The following PLSCR2 variants were observed in gnomAD, a reference collection of about 807,000 sequenced individuals.
The protein encoded by PLSCR2 is PL scramblase 2.
A neutral mutation model predicts 25.3 loss-of-function variants in PLSCR2; 18 were observed. The observed-to-expected ratio is 0.71, with a 90% confidence interval of 0.49 to 1.06. The LOEUF is 1.06. PLSCR2 is among the 50% of genes least tolerant of loss of function. PLSCR2 has a pLI of 0.00. For synonymous variants in PLSCR2, 88 were observed against 87.3 expected, an observed-to-expected ratio of 1.01 and a Z score of -0.04; for missense variants, 243 against 269.5, an observed-to-expected ratio of 0.90 and a Z score of 0.69.
chr3:146,421,173 T>C (rs2039137154), intron 2 of PLSCR2, among the ~76,000 whole-genome samples: 1 of 152,000 alleles, frequency 6.6e-6, no homozygotes, highest in Non-Finnish European at 1.5e-5. Context: ...AGAAGAAAGA[T>C]GGGGTTGAAG....
At chr3:146,449,498 T>G in intron 5 of PLSCR2, 131 bp from the exon 6 acceptor site, 1 of 551,832 alleles carries the variant, frequency 1.8e-6, no homozygotes. Flanking sequence ...ACAGTTAATA[T>G]GTTATATTAG....
intron 1 of PLSCR2, among the ~76,000 whole-genome samples, chr3:146,478,217 C>A (rs1207596039): frequency 6.6e-6 from 1 of 152,182 alleles, no homozygotes; most frequent in Non-Finnish European, 1.5e-5. Context: ...AGCAATGGAA[C>A]AAAGCTGGAT....
chr3:146,466,976 T>C (rs542216803), intron 1 of PLSCR2, among the ~76,000 whole-genome samples: 1 of 152,210 alleles, frequency 6.6e-6, no homozygotes, highest in African/African-American at 2.4e-5. Context: ...TTAACTAGGA[T>C]AGGCAAAACT....
At chr3:146,421,996 G>A (rs750793714) in intron 2 of PLSCR2, among the ~76,000 whole-genome samples, 19 of 152,104 alleles carry the variant, frequency 1.2e-4, no homozygotes, top group Non-Finnish European at 2.5e-4. Context: ...AGTCATGAGC[G>A]ATGGCTAACA....
chr3:146,449,429 T>A, intron 5 of PLSCR2, 62 bp from the exon 6 acceptor site: 1 of 1,134,776 alleles, frequency 8.8e-7, no homozygotes, highest in South Asian at 1.4e-5. Context: ...AAATTACTTT[T>A]AACACTGGAG....
chr3:146,462,904 T>A (rs1428938301), upstream of PLSCR2, among the ~76,000 whole-genome samples: 1 of 152,076 alleles, frequency 6.6e-6, no homozygotes, highest in Admixed American at 6.5e-5. Flanking sequence ...CTAAATGAAG[T>A]GTGTGGTTTA....
intron 1 of PLSCR2, among the ~76,000 whole-genome samples, chr3:146,493,221 T>A (rs1434755930): frequency 6.6e-6 from 1 of 151,914 alleles, no homozygotes; most frequent in African/African-American, 2.4e-5. Flanking sequence ...GATATACAAA[T>A]AATAGATGAT....
At chr3:146,490,501 T>A (rs2043509087) in intron 1 of PLSCR2, among the ~76,000 whole-genome samples, 1 of 152,184 alleles carries the variant, frequency 6.6e-6, no homozygotes, top group Non-Finnish European at 1.5e-5. Context: ...CTAAGTCTCT[T>A]TGCAGAACTC....
intron 2 of PLSCR2, among the ~76,000 whole-genome samples, chr3:146,415,853 A>G (rs963915215): frequency 5.9e-5 from 9 of 152,224 alleles, no homozygotes; most frequent in African/African-American, 2.2e-4. Context: ...TTTCTAACGC[A>G]CAAGCAATAG....
chr3:146,396,236 C>G (rs984640023), intron 2 of PLSCR2, among the ~76,000 whole-genome samples: 2 of 152,186 alleles, frequency 1.3e-5, no homozygotes, highest in African/African-American at 4.8e-5. Flanking sequence ...ATGAAAACCA[C>G]TAGCTTCTCA....
chr3:146,469,838 C>G (rs2042046274), intron 1 of PLSCR2, among the ~76,000 whole-genome samples: 1 of 151,880 alleles, frequency 6.6e-6, no homozygotes, highest in South Asian at 2.1e-4. Flanking sequence ...TCTCCCTCTC[C>G]CCATCCCCGT....
chr3:146,470,538 A>C (rs2042077627), intron 1 of PLSCR2, among the ~76,000 whole-genome samples: 1 of 152,090 alleles, frequency 6.6e-6, no homozygotes, highest in South Asian at 2.1e-4. Context: ...AGAGAGCAAG[A>C]CTCGTCTCAA....
At chr3:146,439,387 T>G (rs2040095522), downstream of PLSCR2, among the ~76,000 whole-genome samples, 1 of 152,222 alleles carries the variant, frequency 6.6e-6, no homozygotes, top group Admixed American at 6.5e-5. Flanking sequence ...CTTGGTTCCA[T>G]TCTCCCCGTC....
upstream of PLSCR2, among the ~76,000 whole-genome samples, chr3:146,462,477 T>G (rs1173165111): frequency 1.3e-5 from 2 of 151,698 alleles, no homozygotes; most frequent in South Asian, 2.1e-4. Context: ...TCTTTTTTTT[T>G]TTTTGGAGAT....
At chr3:146,483,244 C>A (rs1201858206) in intron 1 of PLSCR2, among the ~76,000 whole-genome samples, 6 of 123,610 alleles carry the variant, frequency 4.9e-5, no homozygotes, top group African/African-American at 1.6e-4. Flanking sequence ...TGAACAGACA[C>A]TTCGTAGGTG....
At chr3:146,439,594 TC>T (rs1403025285), downstream of PLSCR2, among the ~76,000 whole-genome samples, 3 of 152,316 alleles carry the variant, frequency 2.0e-5, no homozygotes, top group African/African-American at 7.2e-5. Context: ...ATCACGTAGT[TC>T]TTGTGCCATG....
intron 1 of PLSCR2, among the ~76,000 whole-genome samples, chr3:146,486,305 A>G (rs957433673): frequency 2.6e-5 from 4 of 152,076 alleles, no homozygotes; most frequent in Non-Finnish European, 5.9e-5. Context: ...GAAAACAAGA[A>G]ATAACCAAGA....
chr3:146,490,982 T>C (rs1234887654), intron 1 of PLSCR2, among the ~76,000 whole-genome samples: 2 of 152,150 alleles, frequency 1.3e-5, no homozygotes, highest in Non-Finnish European at 2.9e-5. Flanking sequence ...TGGAGACAGC[T>C]ACAGTTCTTT....
chr3:146,475,781 G>A (rs922139161), intron 1 of PLSCR2, among the ~76,000 whole-genome samples: 5 of 152,092 alleles, frequency 3.3e-5, no homozygotes, highest in Admixed American at 6.5e-5. Context: ...GATGATTTAC[G>A]GTATTGGCTT....
Sources: allele counts gnomAD v4.1 joint callset (sites outside exome capture counted in the v4.1 genomes callset), GRCh38; gene constraint gnomAD v4.1.1; transcripts MANE v1.5; gene names NCBI Gene and HGNC (gene_info 2026-07-23, HGNC 2026-07-21).